Variants in TCF7 observed in about 807,000 individuals in gnomAD.
TCF7 encodes the protein transcription factor 7.
In TCF7, 19 loss-of-function variants were observed where a neutral mutation model predicts 46.8. The observed-to-expected ratio is 0.41, with a 90% CI of 0.28 to 0.60. The LOEUF (loss-of-function observed/expected upper bound fraction) is 0.60. TCF7 is among the 20% of genes least tolerant of loss of function. The probability of loss-of-function intolerance (pLI) is 0.35; values close to 1 mark genes in which losing one functional copy is unlikely to be tolerated. For synonymous variants in TCF7, 245 were observed against 213.4 expected (o/e 1.15, Z -1.29); for missense variants, 547 against 504.6 (o/e 1.08, Z -0.81).
At chr5:134,110,766 CGTT>C (rs1351010849), upstream of TCF7, among the ~76,000 whole-genome samples, 1 of 152,184 alleles carries the variant, frequency 6.6e-6, no homozygotes, top group Non-Finnish European at 1.5e-5. Flanking sequence ...TCCTTTGAGA[CGTT>C]TTCTGGAAAT....
At chr5:134,128,661 G>C (rs1235368054) in intron 3 of TCF7, among the ~76,000 whole-genome samples, 1 of 151,116 alleles carries the variant, frequency 6.6e-6, no homozygotes, top group Non-Finnish European at 1.5e-5. Flanking sequence ...AGGCTGGGGA[G>C]GTGATCTCCA....
intron 3 of TCF7, among the ~76,000 whole-genome samples, chr5:134,135,142 T>C (rs1395233380): frequency 6.6e-6 from 1 of 152,154 alleles, no homozygotes; most frequent in African/African-American, 2.4e-5. Flanking sequence ...TTATTTTTAG[T>C]AGAGACAAGG....
chr5:134,113,848 A>T (rs1755433854), upstream of TCF7, among the ~76,000 whole-genome samples: 1 of 152,196 alleles, frequency 6.6e-6, no homozygotes. Flanking sequence ...GGCTCCCTAA[A>T]TGCGACTTCT....
chr5:134,146,085 G>A (rs1760658189), intron 9 of TCF7, 139 bp from the exon 10 acceptor site: 3 of 1,593,992 alleles, frequency 1.9e-6, no homozygotes, highest in Non-Finnish European at 2.6e-6. Flanking sequence ...GCAGTCTGAG[G>A]ACACTGACTT....
At chr5:134,141,803 A>AAT (rs1200221036) in intron 5 of TCF7, 1 of 166,760 alleles carries the variant, frequency 6.0e-6, no homozygotes, top group African/African-American at 2.4e-5. Flanking sequence ...GGTGTCTCTA[A>AAT]TGGTTACTCT....
At chr5:134,111,558 A>T (rs1001165067), upstream of TCF7, among the ~76,000 whole-genome samples, 10 of 152,102 alleles carry the variant, frequency 6.6e-5, no homozygotes, top group African/African-American at 2.4e-4. Context: ...ACACACTGAG[A>T]TCTGTCTGGT....
chr5:134,123,385 A>C (rs1358694643), intron 3 of TCF7, among the ~76,000 whole-genome samples: 1 of 152,184 alleles, frequency 6.6e-6, no homozygotes, highest in Non-Finnish European at 1.5e-5. Flanking sequence ...GCCCTTCCAG[A>C]GCTCAGTCCT....
At chr5:134,137,352 G>A (rs1759019866) in intron 3 of TCF7, among the ~76,000 whole-genome samples, 1 of 150,874 alleles carries the variant, frequency 6.6e-6, no homozygotes, top group South Asian at 2.1e-4. Context: ...TAAACTGCCA[G>A]GAGGCGGAGG....
chr5:134,133,383 C>G (rs774461745), intron 3 of TCF7, among the ~76,000 whole-genome samples: 1 of 152,092 alleles, frequency 6.6e-6, no homozygotes, highest in Non-Finnish European at 1.5e-5. Flanking sequence ...CTGCCTCTTT[C>G]CATTGAGGGC....
chr5:134,145,233 C>T, intron 9 of TCF7: 1 of 559,294 alleles, frequency 1.8e-6, no homozygotes, highest in Non-Finnish European at 3.5e-6. Context: ...CATTATGGCC[C>T]ATGGGCTCCC....
chr5:134,145,034 CAG>C, intron 9 of TCF7: 1 of 668,352 alleles, frequency 1.5e-6, no homozygotes, highest in Middle Eastern at 2.4e-4. Flanking sequence ...ATACTGAACA[CAG>C]CGCGTGGAGA....
At chr5:134,139,097 G>A in intron 5 of TCF7, 59 bp downstream of exon 5, 1 of 1,591,318 alleles carries the variant, frequency 6.3e-7, no homozygotes, top group Non-Finnish European at 8.6e-7. Context: ...AGACCTGCCT[G>A]CCCTTCCATT....
intron 9 of TCF7, chr5:134,145,357 CTA>C: frequency 3.7e-6 from 2 of 545,674 alleles, no homozygotes; most frequent in Non-Finnish European, 7.2e-6. Context: ...TTATGACTTG[CTA>C]TCTTGTACCT....
chr5:134,115,019 G>A lies in TCF7; in HGVS notation c.113G>A (p.Arg38His), dbSNP rs1057460301. 4 of 1,257,746 alleles carry A rather than the reference G, an allele frequency of 3.2e-6. No homozygotes were observed. Among genetic ancestry groups the A allele is most frequent in the Non-Finnish European group, 2.0e-6 (2 of 976,770 alleles). The allele number at this position is 1,257,746 out of a possible 1,614,324, so 77.9% of individuals were successfully genotyped here. The change falls in exon 1 of 10, where the codon CGC becomes CAC. Residue 38 changes from arginine to histidine, a missense_variant. Around this residue, in one of 3 missense-constraint regions of TCF7, gnomAD observed 425 missense variants for 349.9 expected, o/e 1.21. Transcript: ENST00000342854. ...GGCGAGGAGCAGGACGACAAGAGCCGCGACAGCGCCGCCGGTCCCGAGCGC... is the reference window on the plus strand; with the variant it reads ...GGCGAGGAGCAGGACGACAAGAGCCACGACAGCGCCGCCGGTCCCGAGCGC... The part of the protein sequence containing the change: ...DEGEEQDDKS[R>H]DSAAGPERDL...
chr5:134,109,206 A>G, the TCF7 span, among the ~76,000 whole-genome samples: 5 of 152,240 alleles, frequency 3.3e-5, no homozygotes, highest in Non-Finnish European at 5.9e-5. Flanking sequence ...GCCAGGCCCT[A>G]GGGATAAGCA....
intron 3 of TCF7, among the ~76,000 whole-genome samples, chr5:134,133,552 C>T (rs931276611): frequency 1.3e-5 from 2 of 152,148 alleles, no homozygotes; most frequent in Non-Finnish European, 2.9e-5. Flanking sequence ...TTCCACTGGG[C>T]GAGGGGGACA....
chr5:134,128,369 T>C (rs1757633903), intron 3 of TCF7, among the ~76,000 whole-genome samples: 1 of 152,052 alleles, frequency 6.6e-6, no homozygotes, highest in Non-Finnish European at 1.5e-5. Flanking sequence ...ACACTGGGTG[T>C]GAGGGCTCGG....
chr5:134,140,261 C>A (rs1003252559), intron 5 of TCF7, among the ~76,000 whole-genome samples: 4 of 152,204 alleles, frequency 2.6e-5, no homozygotes, highest in African/African-American at 9.7e-5. Context: ...TAGGTCCCTG[C>A]CCTCTCAGAA....
intron 3 of TCF7, among the ~76,000 whole-genome samples, chr5:134,130,525 G>A (rs1757969395): frequency 6.6e-6 from 1 of 152,252 alleles, no homozygotes; most frequent in Non-Finnish European, 1.5e-5. Context: ...GCATGGCCCA[G>A]GTGTCTGTCC....
Sources: gnomAD v4.1 joint callset for allele counts (sites outside exome capture counted in the v4.1 genomes callset) on GRCh38, gnomAD v4.1.1 for gene constraint, gnomAD v4.1.1 regional missense constraint, MANE v1.5 for transcripts, NCBI Gene and HGNC (gene_info 2026-07-23, HGNC 2026-07-21) for gene names.